The following ABCB11 variants were observed in gnomAD, a reference collection of about 807,000 sequenced individuals.
ABCB11 encodes ATP binding cassette subfamily B member 11.
Under a neutral mutation model 148.0 loss-of-function variants are expected in ABCB11, and 95 were observed. That is an observed-to-expected ratio of 0.64 (90% CI 0.54 to 0.76). The LOEUF is 0.76. Ranked by LOEUF, ABCB11 falls within the 30% of genes least tolerant of loss-of-function variation. ABCB11 has a pLI of 0.00. For missense variants in ABCB11, 1,523 were observed against 1,617.8 expected, an observed-to-expected ratio of 0.94 and a Z score of 1.01; for synonymous variants, 591 against 555.4, an observed-to-expected ratio of 1.06 and a Z score of -0.90.
intron 23 of ABCB11, among the ~76,000 whole-genome samples, chr2:168,932,984 C>T (rs1001994518): frequency 1.3e-5 from 2 of 151,764 alleles, no homozygotes; most frequent in African/African-American, 2.4e-5. Context: ...TGGTGGTCGC[C>T]TGTGGTCCCA....
intron 4 of ABCB11, 69 bp downstream of exon 4, chr2:169,014,234 C>CTG: frequency 5.1e-6 from 6 of 1,168,848 alleles, no homozygotes; most frequent in Non-Finnish European, 7.7e-6. Flanking sequence ...AAAGATTTAA[C>CTG]ACTCCCCTCA....
chr2:168,944,807 G>GA (rs764214936), intron 20 of ABCB11, 41 bp from the exon 21 acceptor site: 2 of 1,604,042 alleles, frequency 1.2e-6, no homozygotes, highest in African/African-American at 2.7e-5. Context: ...ATTTTAATGA[G>GA]AAAAAAGGAA....
intron 9 of ABCB11, among the ~76,000 whole-genome samples, chr2:168,988,449 G>T (rs1273027330): frequency 1.3e-5 from 2 of 151,986 alleles, no homozygotes; most frequent in African/African-American, 4.8e-5. Flanking sequence ...CTTTTTAAAG[G>T]CTGAATAGTA....
intron 21 of ABCB11, among the ~76,000 whole-genome samples, chr2:168,939,207 T>G (rs944044771): frequency 6.6e-6 from 1 of 152,014 alleles, no homozygotes; most frequent in African/African-American, 2.4e-5. Context: ...TCATCAGAAT[T>G]CTGTTCAAAG....
intron 21 of ABCB11, among the ~76,000 whole-genome samples, chr2:168,940,672 G>C (rs1006211178): frequency 1.2e-4 from 19 of 152,112 alleles, no homozygotes; most frequent in African/African-American, 4.6e-4. Context: ...CATATTTTCC[G>C]TGTTGACCAA....
intron 8 of ABCB11, among the ~76,000 whole-genome samples, chr2:168,991,726 G>A (rs953072513): frequency 1.3e-5 from 2 of 151,516 alleles, no homozygotes; most frequent in African/African-American, 4.8e-5. Context: ...ATTCTAAGAT[G>A]TAAATTAAGT....
At chr2:168,928,116 G>T (rs563607028) in intron 25 of ABCB11, among the ~76,000 whole-genome samples, 11 of 152,218 alleles carry the variant, frequency 7.2e-5, no homozygotes, top group Non-Finnish European at 1.6e-4. Context: ...GTGATAAATG[G>T]TATGAACAGA....
At chr2:168,919,625 T>C (rs1343719162), downstream of ABCB11, among the ~76,000 whole-genome samples, 3 of 116,206 alleles carry the variant, frequency 2.6e-5, no homozygotes, top group African/African-American at 1.2e-4. Flanking sequence ...TGTGACCTTA[T>C]TTTTTAAAAA....
intron 5 of ABCB11, among the ~76,000 whole-genome samples, chr2:169,008,636 T>C (rs1298936600): frequency 6.6e-6 from 1 of 152,192 alleles, no homozygotes; most frequent in Non-Finnish European, 1.5e-5. Context: ...TCACAGATGC[T>C]AAATAACAAG....
chr2:168,931,885 G>C (rs1043082775), intron 24 of ABCB11, among the ~76,000 whole-genome samples: 4 of 152,160 alleles, frequency 2.6e-5, no homozygotes, highest in African/African-American at 9.7e-5. Context: ...AAGTATGTAT[G>C]AATGAACCCA....
In ABCB11 at chr2:169,027,616, A is replaced by T. The variant is rs567841424; in HGVS notation, c.-28+3609T>A. Reference sequence around the variant, plus strand: ...AGACCATCAGCTAGATGGTCACTTGAGAGAACCTAGTACTTTGACTGACCT... The same window carrying T: ...AGACCATCAGCTAGATGGTCACTTGTGAGAACCTAGTACTTTGACTGACCT... On this transcript the variant is annotated intron_variant, in intron 1 of 27. Coordinates refer to ENST00000650372, the MANE Select transcript of ABCB11 (RefSeq NM_003742.4). 2.3e-4 allele frequency among the ~76,000 whole-genome samples: 35 copies of T among 152,322 alleles called. 1 individual carries two copies. The highest frequency in any genetic ancestry group is 4.6e-4 in the Admixed American group (7 of 15,306).
intron 19 of ABCB11, among the ~76,000 whole-genome samples, chr2:168,956,643 T>G (rs1692805549): frequency 6.6e-6 from 1 of 151,564 alleles, no homozygotes; most frequent in African/African-American, 2.4e-5. Context: ...CTCCCCTCTC[T>G]CTCCTTGAAG....
In ABCB11 at chr2:168,921,248, G is replaced by A. The variant is rs772365531; in HGVS notation, c.*2374C>T. Among the ~76,000 whole-genome samples the A allele has an allele frequency of 2.0e-5, 3 of 152,056 alleles. No homozygotes were observed. Among genetic ancestry groups the A allele is most frequent in the African/African-American group, 7.2e-5 (3 of 41,384 alleles). ...CCAGTTAACTTGCTAAACCATCTTTGCTGTTATATACCAGGAAACACTGGA... is the reference window on the plus strand; with the variant it reads ...CCAGTTAACTTGCTAAACCATCTTTACTGTTATATACCAGGAAACACTGGA... On this transcript the variant is annotated 3_prime_UTR_variant, in exon 28 of 28. Transcript: ENST00000650372.
chr2:168,957,726 C>T (rs139135829), intron 19 of ABCB11, among the ~76,000 whole-genome samples: 1 of 151,614 alleles, frequency 6.6e-6, no homozygotes, highest in East Asian at 2.0e-4. Flanking sequence ...GTGACAGTAC[C>T]ATTTTCTTTT....
chr2:168,987,065 T>A (rs1425268828), intron 9 of ABCB11, among the ~76,000 whole-genome samples: 1 of 152,098 alleles, frequency 6.6e-6, no homozygotes, highest in Non-Finnish European at 1.5e-5. Context: ...TCTTTCATGG[T>A]GGAAGAAATA....
intron 1 of ABCB11, among the ~76,000 whole-genome samples, chr2:169,027,263 C>T (rs1480794016): frequency 1.3e-5 from 2 of 152,124 alleles, no homozygotes; most frequent in Non-Finnish European, 2.9e-5. Flanking sequence ...AGCAGGAAAT[C>T]GAGATGTCTA....
At chr2:168,978,491 A>C (rs140863841) in intron 11 of ABCB11, among the ~76,000 whole-genome samples, 1 of 151,998 alleles carries the variant, frequency 6.6e-6, no homozygotes, top group African/African-American at 2.4e-5. Context: ...CAATATATGA[A>C]ACCCCAAATT....
chr2:168,924,672 G>A lies in ABCB11; in HGVS notation c.3750C>T (p.Asp1250=). The change falls in exon 27 of 28, where the codon GAC becomes GAT. Residue 1250 remains aspartate, a synonymous_variant. Coordinates refer to ENST00000650372, the MANE Select transcript of ABCB11 (RefSeq NM_003742.4). ...LLLDEATSAL[D]TESEKTVQVA... ...CAACACTTACCTTTTCACTTTCTGT[G>A]TCTAAGGCAGAAGTGGCTTCATCTA... is the stretch of plus-strand genomic sequence containing the variant. The A allele has an allele frequency of 8.1e-6, 13 of 1,613,038 alleles. No individual in the cohort carries two copies. The highest frequency in any genetic ancestry group is 1.1e-5 in the Non-Finnish European group (13 of 1,179,692).
intron 2 of ABCB11, among the ~76,000 whole-genome samples, chr2:169,017,645 C>T (rs1194644578): frequency 6.7e-6 from 1 of 149,546 alleles, no homozygotes; most frequent in Non-Finnish European, 1.5e-5. Context: ...ATCCCAGGTG[C>T]TAGTGCTATA....
Sources: allele counts gnomAD v4.1 joint callset (sites outside exome capture counted in the v4.1 genomes callset), GRCh38; gene constraint gnomAD v4.1.1; transcripts MANE v1.5; gene names NCBI Gene and HGNC (gene_info 2026-07-23, HGNC 2026-07-21).